The following NDST4 variants were observed in gnomAD, a reference collection of about 807,000 sequenced individuals.
The protein encoded by NDST4 is N-heparan sulfate sulfotransferase 4.
Under a neutral mutation model 100.8 loss-of-function variants are expected in NDST4, and 63 were observed. The observed-to-expected ratio is 0.62, with a 90% confidence interval of 0.51 to 0.77. The LOEUF (loss-of-function observed/expected upper bound fraction) is 0.77. Among genes scored for constraint, NDST4 ranks in the 30% least tolerant of loss-of-function variants. The pLI is 0.00. For missense variants in NDST4, 943 were observed against 1,018.4 expected (o/e 0.93, Z 1.01); for synonymous variants, 377 against 361.8 (o/e 1.04, Z -0.48).
intron 2 of NDST4, among the ~76,000 whole-genome samples, chr4:115,032,951 T>A (rs1323627837): frequency 6.6e-6 from 1 of 151,766 alleles, no homozygotes; most frequent in Admixed American, 6.6e-5. Context: ...TCGTATGTTT[T>A]TGATTACTAA....
At chr4:114,854,375 T>C (rs1195719943) in intron 7 of NDST4, among the ~76,000 whole-genome samples, 3 of 152,246 alleles carry the variant, frequency 2.0e-5, no homozygotes, top group Non-Finnish European at 2.9e-5. Flanking sequence ...TTCATTTCTC[T>C]GTTGATGGAT....
At chr4:114,994,101 G>A (rs1000964102) in intron 2 of NDST4, among the ~76,000 whole-genome samples, 6 of 151,926 alleles carry the variant, frequency 3.9e-5, no homozygotes, top group Admixed American at 3.9e-4. Context: ...TCTATTTAAT[G>A]AAACTTGTAT....
intron 2 of NDST4, among the ~76,000 whole-genome samples, chr4:115,013,038 A>G (rs753700772): frequency 2.8e-5 from 4 of 141,240 alleles, no homozygotes; most frequent in Non-Finnish European, 4.6e-5. Flanking sequence ...GGGTAGAATT[A>G]TGGTTACCAG....
intron 2 of NDST4, among the ~76,000 whole-genome samples, chr4:115,057,442 G>A (rs1287407773): frequency 6.6e-6 from 1 of 151,802 alleles, no homozygotes; most frequent in African/African-American, 2.4e-5. Context: ...GAAAGGAGAG[G>A]AGGAGAGAGA....
intron 7 of NDST4, among the ~76,000 whole-genome samples, chr4:114,858,148 G>A (rs1051101291): frequency 6.6e-6 from 1 of 152,150 alleles, no homozygotes; most frequent in East Asian, 1.9e-4. Context: ...CTGAATATCT[G>A]ACCTGACAGT....
intron 2 of NDST4, among the ~76,000 whole-genome samples, chr4:115,060,959 A>G (rs993429187): frequency 1.3e-5 from 2 of 152,092 alleles, no homozygotes; most frequent in African/African-American, 4.8e-5. Context: ...TAAAGGACTT[A>G]AACAAATTTA....
At chr4:114,842,188 G>T (rs1003198317) in intron 10 of NDST4, among the ~76,000 whole-genome samples, 4 of 152,080 alleles carry the variant, frequency 2.6e-5, no homozygotes, top group Non-Finnish European at 5.9e-5. Context: ...CATTTTTGTT[G>T]TCAGCTTTAT....
In NDST4 at chr4:115,076,180, T is replaced by A; in HGVS notation, c.857A>T (p.Asp286Val). 1 of 1,613,974 alleles carries A rather than the reference T, an allele frequency of 6.2e-7. No homozygotes were observed. The highest frequency in any genetic ancestry group is 1.7e-4 in the Middle Eastern group (1 of 6,060). The change falls in exon 2 of 14, where the codon GAT becomes GTT. Residue 286 changes from aspartate (D) to valine (V), a missense_variant. Physicochemically the swap from Asp to Val is radical, Grantham distance 152 (BLOSUM62 -3). This residue lies in a region of NDST4 where 417 missense variants were observed against 384.2 expected (regional missense o/e 1.09). Transcript: ENST00000264363. Reference protein sequence around the residue: ...NFWLHKLIFIDAISFLSGKRL... With the variant: ...NFWLHKLIFIVAISFLSGKRL... ...CTTCCCTGACAAGAAGGAGATGGCA[T>A]CTATGAAGATGAGCTTGTGCAGCCA... is the stretch of plus-strand genomic sequence containing the variant.
chr4:115,091,196 T>C (rs1729512104), intron 1 of NDST4, among the ~76,000 whole-genome samples: 1 of 152,176 alleles, frequency 6.6e-6, no homozygotes, highest in African/African-American at 2.4e-5. Context: ...GTATCATATT[T>C]ATTTTATTTT....
intron 2 of NDST4, among the ~76,000 whole-genome samples, chr4:114,986,789 T>TATACATAC (rs1278406938): frequency 2.4e-5 from 2 of 81,668 alleles, no homozygotes; most frequent in African/African-American, 1.2e-4. Flanking sequence ...GGTATCCAAT[T>TATACATAC]ATACATATAT....
intron 2 of NDST4, among the ~76,000 whole-genome samples, chr4:114,981,988 C>A (rs142780568): frequency 1.8e-4 from 28 of 152,108 alleles, no homozygotes; most frequent in African/African-American, 6.8e-4. Context: ...AGAGTTCTCA[C>A]GAGATCTGGT....
At chr4:114,829,711 A>C in intron 13 of NDST4, 79 bp downstream of exon 13, 1 of 1,001,788 alleles carries the variant, frequency 1.0e-6, no homozygotes, top group Non-Finnish European at 1.5e-6. Context: ...AAAAGGAAGC[A>C]AATTTCTTGT....
intron 7 of NDST4, among the ~76,000 whole-genome samples, chr4:114,863,130 A>G (rs1277646619): frequency 6.6e-6 from 1 of 152,044 alleles, no homozygotes; most frequent in Non-Finnish European, 1.5e-5. Flanking sequence ...CTTTTCTTAT[A>G]CTGTATGAAA....
At chr4:114,941,314 T>C (rs1292869446) in intron 4 of NDST4, among the ~76,000 whole-genome samples, 1 of 152,160 alleles carries the variant, frequency 6.6e-6, no homozygotes, top group Non-Finnish European at 1.5e-5. Flanking sequence ...ACTTTTTCAC[T>C]AAGTTGCTTC....
chr4:114,867,375 G>T (rs892758450), intron 7 of NDST4, among the ~76,000 whole-genome samples: 9 of 152,110 alleles, frequency 5.9e-5, no homozygotes, highest in African/African-American at 1.9e-4. Context: ...GTGCTCTGTG[G>T]TTTATTTTCC....
intron 2 of NDST4, among the ~76,000 whole-genome samples, chr4:115,049,442 C>A (rs1013809058): frequency 5.3e-5 from 8 of 151,980 alleles, no homozygotes; most frequent in Non-Finnish European, 1.0e-4. Flanking sequence ...TAGGGTTACA[C>A]ATAAATCCGT....
At chr4:115,013,072 G>A (rs201412630) in intron 2 of NDST4, among the ~76,000 whole-genome samples, 1 of 141,186 alleles carries the variant, frequency 7.1e-6, no homozygotes, top group Non-Finnish European at 1.5e-5. Flanking sequence ...GTACTGGGTG[G>A]GGGTAGGGGG....
chr4:114,849,536 C>T (rs1382251493), intron 8 of NDST4, among the ~76,000 whole-genome samples: 4 of 151,982 alleles, frequency 2.6e-5, no homozygotes, highest in South Asian at 2.1e-4. Flanking sequence ...ATGAGATTGC[C>T]GCCCTTTTAG....
At chr4:115,022,166 G>A (rs113222401) in intron 2 of NDST4, among the ~76,000 whole-genome samples, 7 of 142,010 alleles carry the variant, frequency 4.9e-5, no homozygotes, top group South Asian at 2.2e-4. Flanking sequence ...ATATATACAC[G>A]TTCCACGTCT....
Sources: allele counts gnomAD v4.1 joint callset (sites outside exome capture counted in the v4.1 genomes callset), GRCh38; gene constraint gnomAD v4.1.1; regional missense constraint gnomAD v4.1.1; transcripts MANE v1.5; gene names NCBI Gene and HGNC (gene_info 2026-07-23, HGNC 2026-07-21).